The following CTIF variants were observed in gnomAD, a reference collection of about 807,000 sequenced individuals.
CTIF encodes CBP80/20-dependent translation initiation factor.
In CTIF, 21 loss-of-function variants were observed where a neutral mutation model predicts 66.0. The observed-to-expected ratio is 0.32, with a 90% CI of 0.23 to 0.46. The LOEUF (loss-of-function observed/expected upper bound fraction) is 0.46. Among genes scored for constraint, CTIF ranks in the 20% least tolerant of loss-of-function variants. The pLI is 1.00. For synonymous variants in CTIF, 345 were observed against 326.4 expected (o/e 1.06, Z -0.62); for missense variants, 739 against 812.7 (o/e 0.91, Z 1.10).
At chr18:48,562,275 T>A (rs1395995821) in intron 1 of CTIF, among the ~76,000 whole-genome samples, 1 of 152,246 alleles carries the variant, frequency 6.6e-6, no homozygotes, top group Non-Finnish European at 1.5e-5. Flanking sequence ...ACCCACATTT[T>A]AGAGAGGAGA....
intron 1 of CTIF, among the ~76,000 whole-genome samples, chr18:48,605,456 A>T (rs1044149270): frequency 3.3e-5 from 5 of 152,184 alleles, no homozygotes; most frequent in African/African-American, 1.2e-4. Context: ...TCAGTTAATT[A>T]TCTGCCAGTT....
At chr18:48,658,437 G>C (rs1179200888) in intron 3 of CTIF, among the ~76,000 whole-genome samples, 1 of 129,906 alleles carries the variant, frequency 7.7e-6, no homozygotes, top group Non-Finnish European at 1.7e-5. Flanking sequence ...GTGTATATGG[G>C]TGTGGTGTGG....
At chr18:48,636,576 T>C (rs779396086) in intron 2 of CTIF, 38 bp from the exon 3 acceptor site, 1 of 1,466,358 alleles carries the variant, frequency 6.8e-7, no homozygotes, top group Non-Finnish European at 9.1e-7. Flanking sequence ...TGGGCCTGGC[T>C]GTCCTGCCGT....
chr18:48,575,792 C>A (rs921744981), intron 1 of CTIF, among the ~76,000 whole-genome samples: 10 of 152,258 alleles, frequency 6.6e-5, no homozygotes, highest in Non-Finnish European at 1.2e-4. Flanking sequence ...CAACCCCAAG[C>A]CCTAGTTATC....
intron 7 of CTIF, among the ~76,000 whole-genome samples, chr18:48,733,977 G>T (rs906069401): frequency 1.3e-5 from 2 of 152,346 alleles, no homozygotes; most frequent in Non-Finnish European, 2.9e-5. Context: ...GTACAATTTG[G>T]GGCTCAATAA....
chr18:48,729,183 C>G (rs2092414328), intron 7 of CTIF, among the ~76,000 whole-genome samples: 1 of 152,156 alleles, frequency 6.6e-6, no homozygotes, highest in African/African-American at 2.4e-5. Flanking sequence ...GATGCTGTTG[C>G]CAGAACTTTG....
chr18:48,665,625 A>G (rs919990249), intron 5 of CTIF, among the ~76,000 whole-genome samples: 2 of 152,152 alleles, frequency 1.3e-5, no homozygotes, highest in Non-Finnish European at 2.9e-5. Flanking sequence ...CCCACTAGGC[A>G]ATCATTCCCC....
At chr18:48,855,540 G>A (rs1205215102) in intron 10 of CTIF, among the ~76,000 whole-genome samples, 3 of 152,202 alleles carry the variant, frequency 2.0e-5, no homozygotes, top group African/African-American at 4.8e-5. Flanking sequence ...TGATGCTCTC[G>A]AGTTTGCCAG....
intron 1 of CTIF, among the ~76,000 whole-genome samples, chr18:48,585,471 G>A (rs2089746915): frequency 6.6e-6 from 1 of 152,164 alleles, no homozygotes; most frequent in Non-Finnish European, 1.5e-5. Flanking sequence ...GCCATTCAGA[G>A]GATCCCATGG....
intron 3 of CTIF, among the ~76,000 whole-genome samples, chr18:48,653,679 GC>G (rs1215371499): frequency 2.0e-5 from 3 of 152,194 alleles, no homozygotes; most frequent in African/African-American, 7.2e-5. Context: ...ACAATCCTAA[GC>G]AAAAAGAACA....
chr18:48,833,657 G>A (rs1313767255), intron 10 of CTIF, among the ~76,000 whole-genome samples: 1 of 152,088 alleles, frequency 6.6e-6, no homozygotes, highest in African/African-American at 2.4e-5. Flanking sequence ...GTGCCCCAAA[G>A]GAACAAAAAG....
intron 8 of CTIF, among the ~76,000 whole-genome samples, chr18:48,759,299 C>T (rs531677651): frequency 2.6e-5 from 4 of 152,304 alleles, no homozygotes; most frequent in African/African-American, 9.6e-5. Context: ...GAGGCTTCCT[C>T]CTGGGGCTTC....
intron 6 of CTIF, among the ~76,000 whole-genome samples, chr18:48,693,576 C>T (rs577840392): frequency 2.6e-4 from 39 of 152,124 alleles, no homozygotes; most frequent in Non-Finnish European, 4.4e-4. Flanking sequence ...TCAGGTCCTT[C>T]TATGAAGGAG....
intron 10 of CTIF, among the ~76,000 whole-genome samples, chr18:48,818,512 G>C (rs1018794681): frequency 6.6e-6 from 1 of 152,206 alleles, no homozygotes; most frequent in African/African-American, 2.4e-5. Context: ...CTGCCCGGAG[G>C]TTGGCCGGGT....
intron 1 of CTIF, among the ~76,000 whole-genome samples, chr18:48,579,948 T>C (rs1243771761): frequency 2.0e-5 from 3 of 152,200 alleles, no homozygotes; most frequent in Non-Finnish European, 4.4e-5. Flanking sequence ...ACAAGTTAGA[T>C]AATTAAATGA....
At chr18:48,636,518 T>C in intron 2 of CTIF, 96 bp from the exon 3 acceptor site, 4 of 836,892 alleles carry the variant, frequency 4.8e-6, no homozygotes, top group Non-Finnish European at 6.8e-6. Flanking sequence ...ACAGTCATGC[T>C]AATGGGGAAG....
At position 48,860,722 on chromosome 18, in the gene CTIF, G is replaced by T. The variant is rs1230843043; in HGVS notation, c.*1163G>T. On this transcript the variant is annotated 3_prime_UTR_variant, in exon 12 of 12. Coordinates refer to ENST00000256413, the MANE Select transcript of CTIF (RefSeq NM_014772.3). ...ATTTTAGCTAATGCGCTGTGTCACT[G>T]CCCCAGCTCGGACGTAGAAGCCCAG... 2.6e-5 allele frequency: 4 copies of T among 152,342 alleles called. No individual in the cohort carries two copies. Among genetic ancestry groups the T allele is most frequent in the Admixed American group, 2.0e-4 (3 of 15,292 alleles). 9.4% of individuals were successfully genotyped at this position (152,342 alleles called of 1,614,324 possible). A position where few individuals can be genotyped will look rare whatever the true frequency, so the allele number is the denominator to read the frequency against.
intron 1 of CTIF, among the ~76,000 whole-genome samples, chr18:48,617,799 A>G (rs1598746450): frequency 6.6e-6 from 1 of 151,788 alleles, no homozygotes; most frequent in African/African-American, 2.4e-5. Flanking sequence ...TTGGCCTGAA[A>G]CCTCCAGTCC....
chr18:48,636,870 C>A (rs529316828), intron 3 of CTIF, among the ~76,000 whole-genome samples, 185 bp downstream of exon 3: 4 of 152,322 alleles, frequency 2.6e-5, no homozygotes, highest in Admixed American at 2.6e-4. Context: ...GAAGCTCCCA[C>A]TCCCCCAAAC....
Sources: gnomAD v4.1 joint callset for allele counts (sites outside exome capture counted in the v4.1 genomes callset) on GRCh38, gnomAD v4.1.1 for gene constraint, MANE v1.5 for transcripts, NCBI Gene and HGNC (gene_info 2026-07-23, HGNC 2026-07-21) for gene names.